DNAH11: variants seen among roughly 807,000 people sequenced by gnomAD.
The protein encoded by DNAH11 is dynein axonemal heavy chain 11.
In DNAH11, 442 loss-of-function variants were observed where a neutral mutation model predicts 526.0. The ratio of observed to expected loss-of-function variants is 0.84; its 90% CI spans 0.78 to 0.91. The LOEUF is 0.91. DNAH11 is among the 40% of genes least tolerant of loss of function. DNAH11 has a pLI of 0.00. For missense variants in DNAH11, 6,989 were observed against 5,448.7 expected (o/e 1.28, Z -8.90); for synonymous variants, 2,461 against 1,935.9 (o/e 1.27, Z -7.12).
At chr7:21,570,766 A>C (rs1783854970) in intron 7 of DNAH11, 1 of 152,360 alleles carries the variant, frequency 6.6e-6, no homozygotes, top group Non-Finnish European at 1.5e-5. Context: ...CATTTGTAAA[A>C]ATAAAACATG....
chr7:21,612,430 C>T (rs1038775755), intron 20 of DNAH11, among the ~76,000 whole-genome samples: 5 of 151,778 alleles, frequency 3.3e-5, no homozygotes, highest in Admixed American at 6.6e-5. Flanking sequence ...TGGCAGGCGC[C>T]AGTAGTCCCA....
In DNAH11 at chr7:21,606,736, A is replaced by G. The variant is rs1416854756; in HGVS notation, c.3852+3A>G. The G allele has an allele frequency of 1.2e-6, 2 of 1,605,564 alleles. No homozygotes were observed. The highest frequency in any genetic ancestry group is 4.5e-5 in the East Asian group (2 of 44,696). On this transcript the variant is annotated splice_donor_region_variant and intron_variant, in intron 20 of 81. Coordinates refer to ENST00000409508, the MANE Select transcript of DNAH11 (RefSeq NM_001277115.2). ...ATCCATACACAGCGCTTGATAAGGT[A>G]ATACAGATCTCAAATATCCTGTGTG...
chr7:21,608,222 A>G (rs1785381822), intron 20 of DNAH11, among the ~76,000 whole-genome samples: 1 of 152,202 alleles, frequency 6.6e-6, no homozygotes. Context: ...ATAGTTGACT[A>G]TAAGAATGAA....
chr7:21,607,560 A>G (rs1219648380), intron 20 of DNAH11, among the ~76,000 whole-genome samples: 1 of 152,176 alleles, frequency 6.6e-6, no homozygotes, highest in Non-Finnish European at 1.5e-5. Context: ...TTTGTTAAGC[A>G]TATGACTTTC....
chr7:21,592,489 G>T (rs6947026), intron 14 of DNAH11, among the ~76,000 whole-genome samples: 51,794 of 152,024 alleles, frequency 0.34, 10,026 homozygotes, highest in Non-Finnish European at 0.44. Context: ...AGGTAGAAGA[G>T]ACTAATGGTA....
At chr7:21,744,663 T>A in intron 50 of DNAH11, 64 bp downstream of exon 50, 1 of 1,584,656 alleles carries the variant, frequency 6.3e-7, no homozygotes, top group Non-Finnish European at 8.6e-7. Flanking sequence ...GGGACTAAAG[T>A]TAGATGAGGG....
intron 54 of DNAH11, among the ~76,000 whole-genome samples, chr7:21,764,710 C>T (rs1240679575): frequency 1.3e-5 from 2 of 152,198 alleles, no homozygotes; most frequent in East Asian, 1.9e-4. Context: ...GTCACAGCCA[C>T]CCTCAGGACT....
intron 39 of DNAH11, among the ~76,000 whole-genome samples, chr7:21,706,679 C>T (rs1163018850): frequency 6.6e-6 from 1 of 152,096 alleles, no homozygotes; most frequent in Non-Finnish European, 1.5e-5. Flanking sequence ...TAGTCTTCAC[C>T]AGTTCTGTTC....
At chr7:21,614,172 T>C (rs1785659016) in intron 20 of DNAH11, among the ~76,000 whole-genome samples, 1 of 152,178 alleles carries the variant, frequency 6.6e-6, no homozygotes, top group Non-Finnish European at 1.5e-5. Context: ...CATAAAAGCA[T>C]TAAGTATAGG....
chr7:21,795,862 G>A (rs903069607), intron 61 of DNAH11, among the ~76,000 whole-genome samples: 4 of 152,188 alleles, frequency 2.6e-5, no homozygotes, highest in Admixed American at 6.5e-5. Flanking sequence ...TGGGTGCTCA[G>A]GAAAGGTTTG....
At chr7:21,727,195 A>G (rs1341911893) in intron 45 of DNAH11, among the ~76,000 whole-genome samples, 1 of 151,882 alleles carries the variant, frequency 6.6e-6, no homozygotes, top group Non-Finnish European at 1.5e-5. Flanking sequence ...GGCCTCCCAG[A>G]GTGCTGGGAT....
At chr7:21,584,009 A>G (rs1784401330) in intron 9 of DNAH11, among the ~76,000 whole-genome samples, 1 of 152,238 alleles carries the variant, frequency 6.6e-6, no homozygotes. Context: ...CCATTGTGGA[A>G]GACAGTGCGG....
chr7:21,773,846 G>A lies in DNAH11; in HGVS notation c.9183G>A (p.Gln3061=). 6.2e-7 allele frequency: 1 copy of A among 1,608,460 alleles called. No individual in the cohort carries two copies. Among genetic ancestry groups the A allele is most frequent in the Non-Finnish European group, 8.5e-7 (1 of 1,177,452 alleles). ...ATGAAATGAGTACCAGATATTACCAGAATGAGAGAAGACACAACTATACCA... is the reference window on the plus strand; with the variant it reads ...ATGAAATGAGTACCAGATATTACCAAAATGAGAGAAGACACAACTATACCA... ...TVNEMSTRYY[Q]NERRHNYTTP... is the part of the protein sequence containing the mutation. Residue 3061 remains glutamine, a synonymous_variant, in exon 56 of 82, where the codon CAG becomes CAA. Transcript: ENST00000409508.
At chr7:21,610,444 G>C (rs952167143) in intron 20 of DNAH11, among the ~76,000 whole-genome samples, 1 of 152,056 alleles carries the variant, frequency 6.6e-6, no homozygotes, top group Non-Finnish European at 1.5e-5. Flanking sequence ...CTGGAAAAAA[G>C]CACTCTCATT....
At position 21,741,951 on chromosome 7, in the gene DNAH11, A is replaced by C. The variant is rs755597128; in HGVS notation, c.7939A>C (p.Asn2647His). The change falls in exon 49 of 82, where the codon AAT becomes CAT. Residue 2647 changes from asparagine (N) to histidine (H), a missense_variant. By Grantham distance (68) the Asn-to-His change is moderately conservative (BLOSUM62 1). Transcript: ENST00000409508. ...GAGACATTTCACAGTGTTTGCATTC[A>C]ATTTTCCATCTTTGGATGCACTAAA... ...LQRHFTVFAF[N>H]FPSLDALNTI... 6 of 1,613,718 alleles carry C rather than the reference A, an allele frequency of 3.7e-6. No homozygotes were observed. In the African/African-American group the frequency reaches 8.0e-5, roughly 22 times the overall value.
chr7:21,899,055 G>C (rs1190176739), intron 79 of DNAH11, among the ~76,000 whole-genome samples: 2 of 152,190 alleles, frequency 1.3e-5, no homozygotes, highest in Non-Finnish European at 2.9e-5. Context: ...AGCATGAAGA[G>C]GCTCTAATAA....
chr7:21,775,234 G>A (rs1239181597), intron 56 of DNAH11, among the ~76,000 whole-genome samples: 2 of 152,136 alleles, frequency 1.3e-5, no homozygotes, highest in Non-Finnish European at 1.5e-5. Flanking sequence ...TTTCCAGGAC[G>A]GTTGGGATCA....
At chr7:21,712,352 A>T (rs894009381) in intron 42 of DNAH11, among the ~76,000 whole-genome samples, 6 of 152,350 alleles carry the variant, frequency 3.9e-5, no homozygotes, top group South Asian at 2.1e-4. Context: ...GGGTATACAA[A>T]TATCTCTTCA....
chr7:21,606,193 C>T (rs1254748218), intron 18 of DNAH11, among the ~76,000 whole-genome samples: 2 of 152,040 alleles, frequency 1.3e-5, no homozygotes, highest in East Asian at 3.9e-4. Context: ...CATGGTGGTA[C>T]ATGCCTGTAG....
Sources: gnomAD v4.1 joint callset for allele counts (sites outside exome capture counted in the v4.1 genomes callset) on GRCh38, gnomAD v4.1.1 for gene constraint, MANE v1.5 for transcripts, NCBI Gene and HGNC (gene_info 2026-07-23, HGNC 2026-07-21) for gene names.